The following DPF1 variants were observed in gnomAD, a reference collection of about 807,000 sequenced individuals.
The protein encoded by DPF1 is zinc finger protein neuro-d4.
Under a neutral mutation model 58.7 loss-of-function variants are expected in DPF1, and 14 were observed. The observed-to-expected ratio is 0.24, with a 90% CI of 0.16 to 0.37. The LOEUF (loss-of-function observed/expected upper bound fraction) is 0.37. Among genes scored for constraint, DPF1 ranks in the 10% least tolerant of loss-of-function variants. The pLI, the probability that DPF1 is intolerant of heterozygous loss-of-function variation, is 1.00. For synonymous variants in DPF1, 216 were observed against 216.0 expected, an observed-to-expected ratio of 1.00 and a Z score of 0.00; for missense variants, 345 against 529.9, an observed-to-expected ratio of 0.65 and a Z score of 3.43.
At chr19:38,226,860 C>T (rs1967845214), upstream of DPF1, among the ~76,000 whole-genome samples, 1 of 152,110 alleles carries the variant, frequency 6.6e-6, no homozygotes, top group Admixed American at 6.6e-5. Flanking sequence ...CTCACTCCTG[C>T]CCCACCCCAA....
chr19:38,212,237 T>TGGGGGGGGGGGGGGGGGGC, intron 11 of DPF1, 43 bp downstream of exon 11: 1 of 1,256,784 alleles, frequency 8.0e-7, no homozygotes, highest in Non-Finnish European at 1.1e-6. Context: ...GGAGATGGCG[T>TGGGGGGGGGGGGGGGGGGC]TCCCACCCAC....
chr19:38,217,643 G>T, intron 6 of DPF1, 52 bp from the exon 7 acceptor site: 1 of 1,527,666 alleles, frequency 6.5e-7, no homozygotes, highest in Non-Finnish European at 8.8e-7. Flanking sequence ...GGCCCCTGCC[G>T]CCTCCACCCT....
chr19:38,215,957 A>T (rs1003820239), intron 9 of DPF1, among the ~76,000 whole-genome samples, 183 bp downstream of exon 9: 1 of 152,132 alleles, frequency 6.6e-6, no homozygotes, highest in Non-Finnish European at 1.5e-5. Context: ...AGCCTCACTG[A>T]TCCGACCCAA....
chr19:38,212,237 T>TGGGGGGGGGGGGGCCCCC, intron 11 of DPF1, 43 bp downstream of exon 11: 2 of 1,256,814 alleles, frequency 1.6e-6, no homozygotes, highest in Non-Finnish European at 2.2e-6. Flanking sequence ...GGAGATGGCG[T>TGGGGGGGGGGGGGCCCCC]TCCCACCCAC....
chr19:38,213,786 G>C (rs372302034), intron 9 of DPF1, 30 bp from the exon 10 acceptor site: 3 of 1,588,068 alleles, frequency 1.9e-6, no homozygotes, highest in Admixed American at 3.4e-5. Flanking sequence ...GGTGCAGTTA[G>C]GAGGTCACCG....
In DPF1 at chr19:38,222,995, A is replaced by G. The variant is rs1473682197; in HGVS notation, c.30-287T>C. On this transcript the variant is annotated intron_variant, in intron 1 of 11. Transcript: ENST00000355526. This position sits in a 1 kb window ranked among gnomAD's most constrained non-coding sequence, Gnocchi z 4.9. ...CGTATCCCTACCTGAACACATGCAGACACACAACACAAATCACACACAGTC... is the reference window on the plus strand; with the variant it reads ...CGTATCCCTACCTGAACACATGCAGGCACACAACACAAATCACACACAGTC... 29 of 428,270 alleles carry G rather than the reference A, an allele frequency of 6.8e-5. No homozygotes were observed. In the Admixed American group the frequency reaches 1.2e-3, roughly 17 times the overall value. The allele number at this position is 428,270 out of a possible 1,614,324, so 26.5% of individuals were successfully genotyped here. A position where few individuals can be genotyped will look rare whatever the true frequency, so the allele number is the denominator to read the frequency against.
intron 7 of DPF1, 146 bp from the exon 8 acceptor site, chr19:38,216,549 G>T: frequency 1.1e-6 from 1 of 950,538 alleles, no homozygotes. Context: ...GGGGAGAGGT[G>T]AAAACAGTTC....
intron 3 of DPF1, chr19:38,219,771 G>A (rs1967309522): frequency 6.6e-6 from 1 of 152,456 alleles, no homozygotes; most frequent in Non-Finnish European, 1.5e-5. Flanking sequence ...ACAGGCATAA[G>A]CCACACTCTC....
At chr19:38,226,998 C>T (rs370863697), upstream of DPF1, among the ~76,000 whole-genome samples, 71,515 of 128,602 alleles carry the variant, frequency 0.56, 19,761 homozygotes, top group African/African-American at 0.71. Flanking sequence ...ATTTCTCTTC[C>T]TTCCTTCCTT....
chr19:38,225,546 G>A (rs1967779937), upstream of DPF1, among the ~76,000 whole-genome samples: 2 of 149,944 alleles, frequency 1.3e-5, no homozygotes, highest in Admixed American at 6.7e-5. Context: ...TCCAGCCTGG[G>A]TGGCAGAGCG....
intron 3 of DPF1, among the ~76,000 whole-genome samples, chr19:38,221,457 T>G: frequency 6.6e-6 from 1 of 151,826 alleles, no homozygotes; most frequent in African/African-American, 2.4e-5. Context: ...GGAGAATCGC[T>G]TGAACCCACT....
rs1183802897 is a variant in DPF1, at chr19:38,216,455, C to T, written c.728-52G>A. On this transcript the variant is annotated intron_variant, in intron 7 of 11. Transcript: ENST00000355526. ...ACTCTCACCACAGGCAAGGCTCCAC[C>T]CTGCCCCCAGCCTCAGCCCCAAGGA... 4.0e-6 allele frequency: 6 copies of T among 1,517,102 alleles called. No homozygotes were observed. In the African/African-American group the frequency reaches 6.9e-5, roughly 18 times the overall value. 94.0% of individuals were successfully genotyped at this position (1,517,102 alleles called of 1,614,324 possible). A position where few individuals can be genotyped will look rare whatever the true frequency, so the allele number is the denominator to read the frequency against.
chr19:38,215,389 A>G (rs1237283706), intron 9 of DPF1, among the ~76,000 whole-genome samples: 1 of 152,026 alleles, frequency 6.6e-6, no homozygotes. Flanking sequence ...GCTACTCGGG[A>G]GGCTGAAGCA....
chr19:38,219,211 T>G, intron 3 of DPF1, 153 bp from the exon 4 acceptor site: 1 of 1,125,108 alleles, frequency 8.9e-7, no homozygotes, highest in East Asian at 2.5e-5. Flanking sequence ...GCCCAGACTC[T>G]GGGGAGACCC....
rs1229797417 is a variant in DPF1, at chr19:38,224,157, C to T, written c.-15G>A. ...ACAGTGGCCATCTTGCTCCCCGGGT[C>T]CTGCCCCCAGCAGGTCCCCGCCGGG... On this transcript the variant is annotated 5_prime_UTR_variant, in exon 1 of 12. Coordinates refer to ENST00000355526, the MANE Select transcript of DPF1 (RefSeq NM_001135155.3). This position sits in a 1 kb window ranked among gnomAD's most constrained non-coding sequence, Gnocchi z 4.5. 8 of 1,460,256 alleles carry T rather than the reference C, an allele frequency of 5.5e-6. No individual in the cohort carries two copies. The highest frequency in any genetic ancestry group is 7.2e-6 in the Non-Finnish European group (8 of 1,111,138). 90.5% of individuals were successfully genotyped at this position (1,460,256 alleles called of 1,614,324 possible).
chr19:38,216,338 A>T lies in DPF1; in HGVS notation c.778+15T>A, dbSNP rs1967017705. On this transcript the variant is annotated intron_variant, in intron 8 of 11. Coordinates refer to ENST00000355526, the MANE Select transcript of DPF1 (RefSeq NM_001135155.3). ...GGTGGCTGCAGACTTTAGGAGCAGA[A>T]GGAGGCATCCGTACCTGTGTGTTTC... 1 of 1,604,860 alleles carries T rather than the reference A, an allele frequency of 6.2e-7. No individual in the cohort carries two copies. Among genetic ancestry groups the T allele is most frequent in the Admixed American group, 1.7e-5 (1 of 59,358 alleles).
At chr19:38,229,216 G>A (rs893949944), upstream of DPF1, among the ~76,000 whole-genome samples, 1 of 152,110 alleles carries the variant, frequency 6.6e-6, no homozygotes, top group Admixed American at 6.5e-5. The surrounding 1 kb of genome is among the most constrained non-coding windows in gnomAD (Gnocchi z 5.3). Context: ...CCCCGGCCGG[G>A]GCAGGCCCGG....
chr19:38,216,176 C>T lies in DPF1; in HGVS notation c.862G>A (p.Glu288Lys), dbSNP rs762093206. The change falls in exon 9 of 12, where the codon GAG becomes AAG. Residue 288 changes from glutamate to lysine, a missense_variant. Physicochemically the swap from Glu to Lys is moderately conservative, Grantham distance 56. Transcript: ENST00000355526. ...CAGTCCGCACAGGAGATGAGGTCCTCGGGACACCCCGTCTTCTTGGAGCCC... is the reference window on the plus strand; with the variant it reads ...CAGTCCGCACAGGAGATGAGGTCCTTGGGACACCCCGTCTTCTTGGAGCCC... ...LGGSKKTGCP[E>K]DLISCADCGR... 5 of 1,614,046 alleles carry T rather than the reference C, an allele frequency of 3.1e-6. No homozygotes were observed. The highest frequency in any genetic ancestry group is 1.1e-5 in the South Asian group (1 of 91,074).
intron 3 of DPF1, among the ~76,000 whole-genome samples, chr19:38,221,928 A>C (rs551767597): frequency 6.6e-6 from 1 of 152,102 alleles, no homozygotes; most frequent in Admixed American, 6.5e-5. Context: ...CTAAAAATAC[A>C]AAATCAGCCG....
Sources: allele counts gnomAD v4.1 joint callset (sites outside exome capture counted in the v4.1 genomes callset), GRCh38; gene constraint gnomAD v4.1.1; non-coding constraint Gnocchi (gnomAD v3.1); transcripts MANE v1.5; gene names NCBI Gene and HGNC (gene_info 2026-07-23, HGNC 2026-07-21).